Variants in CDHR1 observed in about 807,000 individuals in gnomAD.
CDHR1 encodes cadherin-related family member 1.
Under a neutral mutation model 72.1 loss-of-function variants are expected in CDHR1, and 61 were observed. The ratio of observed to expected loss-of-function variants is 0.85; its 90% CI spans 0.69 to 1.05. The LOEUF is 1.05. CDHR1 is among the 50% of genes least tolerant of loss of function. The pLI is 0.00. For missense variants in CDHR1, 1,186 were observed against 1,115.7 expected (o/e 1.06, Z -0.90); for synonymous variants, 470 against 448.1 (o/e 1.05, Z -0.62).
At chr10:84,214,033 A>G in intron 16 of CDHR1, 49 bp from the exon 17 acceptor site, 1 of 1,613,384 alleles carries the variant, frequency 6.2e-7, no homozygotes. Context: ...TCTGTACTCC[A>G]GGGACCAGGT....
chr10:84,219,502 C>G, downstream of CDHR1: 1 of 569,746 alleles, frequency 1.8e-6, no homozygotes, highest in Non-Finnish European at 2.8e-6. Flanking sequence ...CCACTCTCAC[C>G]TTCATGGTAG....
At chr10:84,212,884 G>A in intron 15 of CDHR1, 1 of 636,728 alleles carries the variant, frequency 1.6e-6, no homozygotes, top group Non-Finnish European at 2.8e-6. Context: ...TCTGATAATG[G>A]AATCGGCTAG....
chr10:84,204,077 C>G (rs1842179825), intron 8 of CDHR1, among the ~76,000 whole-genome samples: 1 of 152,216 alleles, frequency 6.6e-6, no homozygotes, highest in South Asian at 2.1e-4. Flanking sequence ...CAAAGGCCCA[C>G]AGGATAAAAT....
At chr10:84,201,431 T>C (rs1333584175) in intron 6 of CDHR1, among the ~76,000 whole-genome samples, 1 of 152,144 alleles carries the variant, frequency 6.6e-6, no homozygotes, top group African/African-American at 2.4e-5. Flanking sequence ...CCAACGTTTC[T>C]CTCCTTCACT....
At chr10:84,213,526 C>G (rs757747337) in intron 16 of CDHR1, among the ~76,000 whole-genome samples, 178 bp downstream of exon 16, 3 of 152,222 alleles carry the variant, frequency 2.0e-5, no homozygotes, top group Non-Finnish European at 4.4e-5. Context: ...GTTTCTAGTT[C>G]AATACTTATT....
intron 12 of CDHR1, among the ~76,000 whole-genome samples, chr10:84,210,214 G>A (rs749387934): frequency 5.9e-5 from 9 of 151,544 alleles, no homozygotes; most frequent in Non-Finnish European, 1.0e-4. Context: ...GCCAAGACTC[G>A]TTTTTTTTGT....
intron 16 of CDHR1, among the ~76,000 whole-genome samples, chr10:84,213,575 T>A (rs1434292140): frequency 2.0e-5 from 3 of 152,228 alleles, no homozygotes; most frequent in African/African-American, 7.2e-5. Flanking sequence ...CTCTGTTACC[T>A]TTCCTGTAAG....
chr10:84,213,408 A>G, intron 16 of CDHR1, 60 bp downstream of exon 16: 2 of 1,608,306 alleles, frequency 1.2e-6, no homozygotes, highest in Non-Finnish European at 1.7e-6. Flanking sequence ...ACCTCTCTGC[A>G]ACGTGGGCAG....
intron 10 of CDHR1, among the ~76,000 whole-genome samples, 168 bp from the exon 11 acceptor site, chr10:84,208,006 A>G (rs1842258200): frequency 1.3e-5 from 2 of 152,210 alleles, no homozygotes; most frequent in Non-Finnish European, 2.9e-5. Context: ...TCATGTAATC[A>G]TGAAGTGATA....
intron 10 of CDHR1, 83 bp downstream of exon 10, chr10:84,206,010 C>T (rs1264135890): frequency 2.9e-6 from 3 of 1,018,384 alleles, no homozygotes; most frequent in African/African-American, 3.1e-5. Context: ...GCCCTTTTTC[C>T]TGGGGCCCAT....
chr10:84,201,318 G>A (rs564470628), intron 6 of CDHR1, among the ~76,000 whole-genome samples: 3 of 152,260 alleles, frequency 2.0e-5, no homozygotes, highest in East Asian at 1.9e-4. Flanking sequence ...ACCAGAGGCC[G>A]GTGCTCCCTG....
At chr10:84,208,417 G>A in intron 11 of CDHR1, 40 bp downstream of exon 11, 1 of 1,605,366 alleles carries the variant, frequency 6.2e-7, no homozygotes, top group Non-Finnish European at 8.5e-7. Context: ...CTCACAAACG[G>A]TATGAAGCCA....
chr10:84,211,749 G>A (rs748530141), intron 14 of CDHR1, 34 bp downstream of exon 14: 4 of 1,581,730 alleles, frequency 2.5e-6, no homozygotes, highest in Non-Finnish European at 2.6e-6. Context: ...CAGGGCCTTG[G>A]GCAAGGGGAT....
chr10:84,205,779 C>A (rs1842213767), intron 9 of CDHR1, 48 bp from the exon 10 acceptor site: 3 of 1,350,570 alleles, frequency 2.2e-6, no homozygotes, highest in Non-Finnish European at 1.1e-6. Context: ...CTCCCCTGCG[C>A]CTCCCTGTGG....
chr10:84,217,861 T>C lies in CDHR1; in HGVS notation c.*3240T>C. ...GGCAGCCTGCATTTGGGCGTTGACA[T>C]TCCAGGGGAGTTAGGAACAATGAGA... On this transcript the variant is annotated 3_prime_UTR_variant, in exon 17 of 17. Coordinates refer to ENST00000623527, the MANE Select transcript of CDHR1 (RefSeq NM_033100.4). 1 of 985,478 alleles carries C rather than the reference T, an allele frequency of 1.0e-6. No individual in the cohort carries two copies. Among genetic ancestry groups the C allele is most frequent in the Non-Finnish European group, 1.2e-6 (1 of 829,956 alleles). The allele number at this position is 985,478 out of a possible 1,614,324, so 61.0% of individuals were successfully genotyped here.
At position 84,217,889 on chromosome 10, in the gene CDHR1, T is replaced by C. The variant is rs905355760; in HGVS notation, c.*3268T>C. On this transcript the variant is annotated 3_prime_UTR_variant, in exon 17 of 17. Coordinates refer to ENST00000623527, the MANE Select transcript of CDHR1 (RefSeq NM_033100.4). ...CAGGGGAGTTAGGAACAATGAGAGG[T>C]CTCTAAGAACTTGTGGCACTCTGTC... is the stretch of plus-strand genomic sequence containing the variant. 78 of 985,130 alleles carry C rather than the reference T, an allele frequency of 7.9e-5. No individual in the cohort carries two copies. Among genetic ancestry groups the C allele is most frequent in the Non-Finnish European group, 8.9e-5 (74 of 829,938 alleles). The allele number at this position is 985,130 out of a possible 1,614,324, so 61.0% of individuals were successfully genotyped here. A position where few individuals can be genotyped will look rare whatever the true frequency, so the allele number is the denominator to read the frequency against.
intron 12 of CDHR1, among the ~76,000 whole-genome samples, chr10:84,209,395 T>A (rs1589304548): frequency 6.6e-6 from 1 of 152,166 alleles, no homozygotes; most frequent in Non-Finnish European, 1.5e-5. Flanking sequence ...TATACACATA[T>A]ACACATACTC....
In CDHR1 at chr10:84,214,265, A is replaced by C. The variant is rs1200218748; in HGVS notation, c.2224A>C (p.Lys742Gln). 1 of 1,613,420 alleles carries C rather than the reference A, an allele frequency of 6.2e-7. No individual in the cohort carries two copies. Among genetic ancestry groups the C allele is most frequent in the African/African-American group, 1.3e-5 (1 of 74,906 alleles). ...CCTGCCAATGCGGCGGGTGCTCCGC[A>C]AGCGGCCCAGCCCTGCGCCCCGCAC... ...KVLPMRRVLR[K>Q]RPSPAPRTIR... Residue 742 changes from lysine (K) to glutamine (Q), a missense_variant, in exon 17 of 17, where the codon AAG (lysine) becomes CAG (glutamine). Coordinates refer to ENST00000623527, the MANE Select transcript of CDHR1 (RefSeq NM_033100.4).
chr10:84,196,649 A>G lies in CDHR1; in HGVS notation c.296A>G (p.Glu99Gly). Residue 99 changes from glutamate (E) to glycine (G), a missense_variant and splice_region_variant, in exon 3 of 17, where the codon GAG becomes GGG. Coordinates refer to ENST00000623527, the MANE Select transcript of CDHR1 (RefSeq NM_033100.4). ...ACCCTGGTTGAAGAGCTGGACAGAG[A>G]GGTATGGGGAGGTGTGGGGAGTGCT... ...NITLVEELDR[E>G]REDEIEAIIS... The G allele has an allele frequency of 1.2e-6, 2 of 1,614,080 alleles. No homozygotes were observed. The highest frequency in any genetic ancestry group is 1.6e-4 in the Middle Eastern group (1 of 6,062).
Sources: allele counts gnomAD v4.1 joint callset (sites outside exome capture counted in the v4.1 genomes callset), GRCh38; gene constraint gnomAD v4.1.1; transcripts MANE v1.5; gene names NCBI Gene and HGNC (gene_info 2026-07-23, HGNC 2026-07-21).